The following TSGA10 variants were observed in gnomAD, a reference collection of about 807,000 sequenced individuals.
The protein encoded by TSGA10 is testis-specific gene 10 protein.
Under a neutral mutation model 96.6 loss-of-function variants are expected in TSGA10, and 43 were observed. The observed-to-expected ratio is 0.44, with a 90% CI of 0.35 to 0.57. TSGA10 has a LOEUF of 0.57. Among genes scored for constraint, TSGA10 ranks in the 20% least tolerant of loss-of-function variants. TSGA10 has a pLI of 0.01. For missense variants in TSGA10, 703 were observed against 834.4 expected, an observed-to-expected ratio of 0.84 and a Z score of 1.94; for synonymous variants, 229 against 269.9, an observed-to-expected ratio of 0.85 and a Z score of 1.48.
intron 10 of TSGA10, among the ~76,000 whole-genome samples, chr2:99,082,865 TCAA>T (rs1207578298): frequency 1.3e-5 from 2 of 151,584 alleles, no homozygotes; most frequent in African/African-American, 4.9e-5. Flanking sequence ...AAAAAAATAA[TCAA>T]CAAATTTGGA....
At chr2:99,065,146 T>C (rs1282874811) in intron 15 of TSGA10, 22 bp from the exon 16 acceptor site, 5 of 1,606,274 alleles carry the variant, frequency 3.1e-6, no homozygotes, top group East Asian at 2.2e-5. Flanking sequence ...ACTTTAGCTA[T>C]TACTTTAAAA....
At chr2:99,020,508 C>T in intron 17 of TSGA10, 26 bp from the exon 18 acceptor site, 1 of 1,511,078 alleles carries the variant, frequency 6.6e-7, no homozygotes, top group East Asian at 2.3e-5. Flanking sequence ...AAGATATCTA[C>T]ACTTATTCCC....
intron 20 of TSGA10, among the ~76,000 whole-genome samples, chr2:99,017,075 C>A (rs1233023496): frequency 6.6e-6 from 1 of 152,138 alleles, no homozygotes; most frequent in African/African-American, 2.4e-5. Flanking sequence ...ACTAGTACAA[C>A]CACTAAGGAA....
intron 16 of TSGA10, among the ~76,000 whole-genome samples, chr2:99,045,836 C>A (rs1399426511): frequency 1.3e-5 from 2 of 152,138 alleles, no homozygotes; most frequent in Non-Finnish European, 2.9e-5. Flanking sequence ...GCAGGAGACC[C>A]ATCTCATGTG....
At chr2:99,007,536 C>T (rs1283972227) in intron 20 of TSGA10, among the ~76,000 whole-genome samples, 1 of 152,004 alleles carries the variant, frequency 6.6e-6, no homozygotes, top group Non-Finnish European at 1.5e-5. Flanking sequence ...TTATAAAAGC[C>T]ACATTCCATG....
At chr2:99,130,593 A>G (rs1203340748) in intron 1 of TSGA10, among the ~76,000 whole-genome samples, 2 of 152,096 alleles carry the variant, frequency 1.3e-5, no homozygotes, top group South Asian at 4.1e-4. Context: ...CTCTGATGAT[A>G]GTTTCTTTTG....
chr2:99,059,281 T>C (rs1055425004), intron 16 of TSGA10, among the ~76,000 whole-genome samples: 1 of 151,608 alleles, frequency 6.6e-6, no homozygotes, highest in Non-Finnish European at 1.5e-5. Context: ...GATATGACCA[T>C]CTCAATAGCT....
At chr2:99,048,213 A>G (rs2082999572) in intron 16 of TSGA10, among the ~76,000 whole-genome samples, 1 of 152,204 alleles carries the variant, frequency 6.6e-6, no homozygotes, top group East Asian at 1.9e-4. Context: ...CAGAATCAGA[A>G]AAAAGCTACT....
At chr2:99,133,413 C>CT (rs560322923) in intron 1 of TSGA10, among the ~76,000 whole-genome samples, 39 of 151,916 alleles carry the variant, frequency 2.6e-4, no homozygotes, top group Non-Finnish European at 4.1e-4. Flanking sequence ...GCAACCCCTG[C>CT]TTTTTTTTGC....
chr2:99,040,119 C>T (rs770722584), intron 16 of TSGA10, among the ~76,000 whole-genome samples: 2 of 151,994 alleles, frequency 1.3e-5, no homozygotes, highest in Non-Finnish European at 2.9e-5. Flanking sequence ...AGGGACATAC[C>T]CTAAGGTAAT....
intron 10 of TSGA10, among the ~76,000 whole-genome samples, chr2:99,085,609 T>TAAAAAAAAAAAAAAAAAA (rs200309936): frequency 7.6e-5 from 4 of 52,470 alleles, no homozygotes; most frequent in African/African-American, 2.4e-4. Flanking sequence ...ATCCTGTCTT[T>TAAAAAAAAAAAAAAAAAA]AAAAAAAAAA....
chr2:99,152,709 A>G (rs1439685303), intron 1 of TSGA10, among the ~76,000 whole-genome samples: 1 of 152,222 alleles, frequency 6.6e-6, no homozygotes, highest in East Asian at 1.9e-4. Flanking sequence ...GGTGATGGTC[A>G]TAAAAGTGGA....
At chr2:99,069,541 G>A (rs536393375) in intron 14 of TSGA10, among the ~76,000 whole-genome samples, 1 of 151,832 alleles carries the variant, frequency 6.6e-6, no homozygotes, top group Non-Finnish European at 1.5e-5. Flanking sequence ...AACCTCAGCT[G>A]GGTGTTTTTC....
intron 1 of TSGA10, chr2:99,154,370 A>G (rs979399981): frequency 6.6e-6 from 1 of 152,196 alleles, no homozygotes; most frequent in African/African-American, 2.4e-5. Flanking sequence ...GAGTTGGCAA[A>G]TGGGAATGAT....
At chr2:99,047,145 C>A (rs2082867779) in intron 16 of TSGA10, among the ~76,000 whole-genome samples, 1 of 152,180 alleles carries the variant, frequency 6.6e-6, no homozygotes, top group African/African-American at 2.4e-5. Context: ...ACAAGAGGCA[C>A]AAGGAGGAGC....
chr2:99,020,677 C>G (rs1361846962), intron 17 of TSGA10, among the ~76,000 whole-genome samples, 195 bp from the exon 18 acceptor site: 1 of 152,120 alleles, frequency 6.6e-6, no homozygotes, highest in African/African-American at 2.4e-5. Context: ...CTCCATCTCT[C>G]TGATCATATC....
chr2:99,105,710 T>G lies in TSGA10; in HGVS notation c.211-13A>C. ...TTTCTTCCTGTGCCTATTATTTAAATCATAGACTTTGGTTGAACAAGCTTT... is the reference window on the plus strand; with the variant it reads ...TTTCTTCCTGTGCCTATTATTTAAAGCATAGACTTTGGTTGAACAAGCTTT... On this transcript the variant is annotated splice_polypyrimidine_tract_variant and intron_variant, in intron 7 of 20. Transcript: ENST00000393483. The G allele has an allele frequency of 6.3e-7, 1 of 1,579,272 alleles. No individual in the cohort carries two copies. Among genetic ancestry groups the G allele is most frequent in the South Asian group, 1.1e-5 (1 of 87,804 alleles).
chr2:99,065,789 A>G (rs1208831838), intron 15 of TSGA10, among the ~76,000 whole-genome samples: 1 of 152,224 alleles, frequency 6.6e-6, no homozygotes, highest in African/African-American at 2.4e-5. Flanking sequence ...ATATGCATTC[A>G]TGTATAAATT....
chr2:99,009,940 G>A (rs2078865088), intron 20 of TSGA10, among the ~76,000 whole-genome samples: 1 of 152,208 alleles, frequency 6.6e-6, no homozygotes, highest in African/African-American at 2.4e-5. Flanking sequence ...TTTTTAAATA[G>A]TGAGTATGGG....
Sources: gnomAD v4.1 joint callset for allele counts (sites outside exome capture counted in the v4.1 genomes callset) on GRCh38, gnomAD v4.1.1 for gene constraint, MANE v1.5 for transcripts, NCBI Gene and HGNC (gene_info 2026-07-23, HGNC 2026-07-21) for gene names.